The following KCNMA1 variants were observed in gnomAD, a reference collection of about 807,000 sequenced individuals.
KCNMA1 encodes the protein Calcium-activated potassium channel subunit alpha-1.
A neutral mutation model predicts 140.0 loss-of-function variants in KCNMA1; 29 were observed. The ratio of observed to expected loss-of-function variants is 0.21; its 90% CI spans 0.15 to 0.28. The LOEUF (loss-of-function observed/expected upper bound fraction) is 0.28. Among genes scored for constraint, KCNMA1 ranks in the 10% least tolerant of loss-of-function variants. The pLI is 1.00. For synonymous variants in KCNMA1, 612 were observed against 611.9 expected (o/e 1.00, Z 0.00); for missense variants, 880 against 1,602.2 (o/e 0.55, Z 7.70).
At chr10:77,463,338 T>G (rs1315691594) in intron 1 of KCNMA1, among the ~76,000 whole-genome samples, 1 of 152,160 alleles carries the variant, frequency 6.6e-6, no homozygotes, top group Non-Finnish European at 1.5e-5. Flanking sequence ...TGTCACCCTA[T>G]CTGGACCTCA....
intron 14 of KCNMA1, among the ~76,000 whole-genome samples, chr10:77,066,247 G>A (rs539590728): frequency 6.6e-6 from 1 of 152,292 alleles, no homozygotes; most frequent in Non-Finnish European, 1.5e-5. Context: ...GAGACATGAT[G>A]GTGGTTTGGA....
intron 2 of KCNMA1, among the ~76,000 whole-genome samples, chr10:77,301,910 T>C (rs1050427396): frequency 6.6e-6 from 1 of 151,146 alleles, no homozygotes. Flanking sequence ...AGAGAGCCTA[T>C]GGGGACTCAA....
chr10:76,907,913 C>A (rs1590191580), intron 25 of KCNMA1, among the ~76,000 whole-genome samples: 1 of 152,022 alleles, frequency 6.6e-6, no homozygotes, highest in Non-Finnish European at 1.5e-5. Context: ...AGTGACCTTG[C>A]AAATTATGTA....
At chr10:77,233,859 A>C (rs1176115640) in intron 3 of KCNMA1, among the ~76,000 whole-genome samples, 1 of 152,072 alleles carries the variant, frequency 6.6e-6, no homozygotes, top group Non-Finnish European at 1.5e-5. Flanking sequence ...TTTGACTTTT[A>C]TTCCCCAGTT....
At chr10:77,227,248 A>G (rs892520074) in intron 3 of KCNMA1, among the ~76,000 whole-genome samples, 4 of 152,200 alleles carry the variant, frequency 2.6e-5, no homozygotes, top group Admixed American at 2.0e-4. Flanking sequence ...CAGATAGGAA[A>G]AGCAATTGAT....
intron 2 of KCNMA1, among the ~76,000 whole-genome samples, chr10:77,267,170 C>T (rs769603339): frequency 6.6e-6 from 1 of 152,148 alleles, no homozygotes; most frequent in Non-Finnish European, 1.5e-5. Context: ...CTTAATGCTT[C>T]CCCCATGGAT....
At chr10:77,379,075 T>C (rs1603446868) in intron 2 of KCNMA1, among the ~76,000 whole-genome samples, 1 of 152,222 alleles carries the variant, frequency 6.6e-6, no homozygotes, top group Admixed American at 6.5e-5. Flanking sequence ...CATGTTTCAT[T>C]TGATGTTTGG....
Position 76,961,972 on chromosome 10 carries a change from T to G in KCNMA1, c.2360+8002A>C, listed in dbSNP as rs896927138. On this transcript the variant is annotated intron_variant, in intron 20 of 27. Coordinates refer to ENST00000286628, the MANE Select transcript of KCNMA1 (RefSeq NM_001161352.2). ...ATCTCTGAGGTGTGCCTGCAAAAGA[T>G]CTTTGTTTTGAGGATTCGCAGAGCA... Among the ~76,000 whole-genome samples the G allele has an allele frequency of 9.8e-4, 149 of 152,230 alleles. 15 individuals carry two copies. Among genetic ancestry groups the G allele is most frequent in the Non-Finnish European group, 7.3e-5 (5 of 68,046 alleles).
At chr10:77,522,599 G>T (rs1279570964) in intron 1 of KCNMA1, among the ~76,000 whole-genome samples, 1 of 152,190 alleles carries the variant, frequency 6.6e-6, no homozygotes, top group Non-Finnish European at 1.5e-5. Flanking sequence ...GGGCTTGCTT[G>T]AGTGAGCTGG....
At chr10:77,155,847 G>C (rs998782244) in intron 5 of KCNMA1, among the ~76,000 whole-genome samples, 4 of 152,102 alleles carry the variant, frequency 2.6e-5, no homozygotes, top group Admixed American at 1.3e-4. Flanking sequence ...ACATAACTAA[G>C]AAGTGAGGGG....
intron 23 of KCNMA1, among the ~76,000 whole-genome samples, chr10:76,925,190 A>G (rs1051768107): frequency 4.6e-5 from 7 of 152,202 alleles, no homozygotes; most frequent in Non-Finnish European, 7.3e-5. Flanking sequence ...AATGTTGTTA[A>G]GCATCTTTAA....
At chr10:77,033,834 A>T (rs569685684) in intron 15 of KCNMA1, among the ~76,000 whole-genome samples, 1 of 152,200 alleles carries the variant, frequency 6.6e-6, no homozygotes, top group Non-Finnish European at 1.5e-5. Context: ...TGTAGTAGAA[A>T]TAACCACCAA....
chr10:77,393,608 G>A (rs2095920430), intron 2 of KCNMA1, among the ~76,000 whole-genome samples: 1 of 152,188 alleles, frequency 6.6e-6, no homozygotes, highest in African/African-American at 2.4e-5. Flanking sequence ...CAGAGGCTGG[G>A]CTTCCAACTG....
In KCNMA1 at chr10:77,086,612, A is replaced by G; in HGVS notation, c.1335-19T>C. On this transcript the variant is annotated intron_variant, in intron 10 of 27. Coordinates refer to ENST00000286628, the MANE Select transcript of KCNMA1 (RefSeq NM_001161352.2). ...GGAGATGCTACACAGGGAGAGAAGA[A>G]ATCGCTATTAATTTAATGGACTCGG... 6.4e-7 allele frequency: 1 copy of G among 1,556,750 alleles called. No homozygotes were observed. The highest frequency in any genetic ancestry group is 1.4e-5 in the African/African-American group (1 of 73,910).
intron 5 of KCNMA1, among the ~76,000 whole-genome samples, chr10:77,168,776 G>A (rs564368640): frequency 1.3e-5 from 2 of 152,296 alleles, no homozygotes; most frequent in Admixed American, 6.5e-5. Flanking sequence ...AGTAGCTATT[G>A]TATGCAAAAC....
chr10:77,119,364 C>T (rs914705093), intron 6 of KCNMA1, among the ~76,000 whole-genome samples: 8 of 152,162 alleles, frequency 5.3e-5, no homozygotes, highest in Admixed American at 3.3e-4. Context: ...ATCCCCCTAA[C>T]ATATGATGTA....
At chr10:77,621,977 C>T (rs1017225283) in intron 1 of KCNMA1, among the ~76,000 whole-genome samples, 3 of 152,194 alleles carry the variant, frequency 2.0e-5, no homozygotes, top group Non-Finnish European at 4.4e-5. Context: ...CACATACCCC[C>T]CAGCACAGAG....
chr10:77,315,709 C>G (rs2080671839), intron 2 of KCNMA1: 1 of 152,218 alleles, frequency 6.6e-6, no homozygotes, highest in Non-Finnish European at 1.5e-5. Context: ...GGCTGCAATT[C>G]TTTTCCCCCA....
chr10:76,874,003 C>G (rs2031877417), downstream of KCNMA1: 1 of 151,530 alleles, frequency 6.6e-6, no homozygotes, highest in Non-Finnish European at 1.5e-5. Flanking sequence ...TAGTTACATA[C>G]TAGGAATTGG....
Sources: allele counts gnomAD v4.1 joint callset (sites outside exome capture counted in the v4.1 genomes callset), GRCh38; gene constraint gnomAD v4.1.1; transcripts MANE v1.5; gene names NCBI Gene and HGNC (gene_info 2026-07-23, HGNC 2026-07-21).